ADCY2: variants seen among roughly 807,000 people sequenced by gnomAD.
ADCY2 encodes the protein adenylate cyclase type 2.
Under a neutral mutation model 125.2 loss-of-function variants are expected in ADCY2, and 31 were observed. That is an observed-to-expected ratio of 0.25 (90% confidence interval 0.19 to 0.33). ADCY2 has a LOEUF of 0.33. Ranked by LOEUF, ADCY2 falls within the 10% of genes least tolerant of loss-of-function variation. The pLI is 1.00. For synonymous variants in ADCY2, 512 were observed against 548.4 expected (o/e 0.93, Z 0.93); for missense variants, 904 against 1,418.2 (o/e 0.64, Z 5.82).
chr5:7,506,101 T>G (rs1342361033), intron 2 of ADCY2, among the ~76,000 whole-genome samples: 1 of 152,176 alleles, frequency 6.6e-6, no homozygotes, highest in African/African-American at 2.4e-5. Context: ...TTTTCCAAAT[T>G]GTTTCATGCA....
At chr5:7,534,601 T>G (rs558098042) in intron 3 of ADCY2, among the ~76,000 whole-genome samples, 1 of 152,346 alleles carries the variant, frequency 6.6e-6, no homozygotes, top group Admixed American at 6.5e-5. Context: ...TTTATCTGGT[T>G]TAGTAGAAGT....
At chr5:7,672,353 G>A (rs1157591473) in intron 4 of ADCY2, among the ~76,000 whole-genome samples, 2 of 152,150 alleles carry the variant, frequency 1.3e-5, no homozygotes, top group Non-Finnish European at 2.9e-5. Context: ...TTTTTAATGT[G>A]TCTGCAATGC....
chr5:7,552,074 A>G (rs1437704807), intron 3 of ADCY2, among the ~76,000 whole-genome samples: 3 of 152,198 alleles, frequency 2.0e-5, no homozygotes, highest in South Asian at 2.1e-4. Context: ...TGAGAATCCT[A>G]TAATATTTGG....
chr5:7,678,249 A>G (rs1260521529), intron 4 of ADCY2, among the ~76,000 whole-genome samples: 2 of 152,060 alleles, frequency 1.3e-5, no homozygotes, highest in East Asian at 1.9e-4. Flanking sequence ...TCCACACTCA[A>G]TTCTGGGCCA....
intron 4 of ADCY2, among the ~76,000 whole-genome samples, chr5:7,676,214 C>A (rs1740121978): frequency 6.6e-6 from 1 of 152,198 alleles, no homozygotes; most frequent in Non-Finnish European, 1.5e-5. Flanking sequence ...TAAGGATCTT[C>A]TGCTCTGTCA....
In ADCY2 at chr5:7,778,672, G is replaced by C. The variant is rs894271266; in HGVS notation, c.2384+5571G>C. Among the ~76,000 whole-genome samples the C allele has an allele frequency of 4.6e-5, 7 of 152,188 alleles. No individual in the cohort carries two copies. The East Asian group carries it at 1.3e-3, about 29-fold the overall frequency. ...GATGCATGAACTAAGCACCTTCCTTGTGGTATTTTTCTGCTTTCCCTGATT... is the reference window on the plus strand; with the variant it reads ...GATGCATGAACTAAGCACCTTCCTTCTGGTATTTTTCTGCTTTCCCTGATT... On this transcript the variant is annotated intron_variant, in intron 18 of 24. Transcript: ENST00000338316.
At chr5:7,608,772 C>A (rs1293426530) in intron 3 of ADCY2, among the ~76,000 whole-genome samples, 2 of 152,148 alleles carry the variant, frequency 1.3e-5, no homozygotes, top group Non-Finnish European at 2.9e-5. Context: ...TTGTTTCCCT[C>A]TTGGGGTGCT....
chr5:7,797,907 A>G (rs1477964286), intron 20 of ADCY2: 1 of 152,372 alleles, frequency 6.6e-6, no homozygotes, highest in African/African-American at 2.4e-5. Context: ...CCTGGGAAGC[A>G]TCTCCAACTG....
At chr5:7,749,758 A>G (rs1218943576) in intron 15 of ADCY2, 2 of 152,222 alleles carry the variant, frequency 1.3e-5, no homozygotes, top group Non-Finnish European at 2.9e-5. Flanking sequence ...TTTCAATAGC[A>G]GAGATAATAC....
chr5:7,577,804 C>A (rs751234907), intron 3 of ADCY2, among the ~76,000 whole-genome samples: 1 of 152,126 alleles, frequency 6.6e-6, no homozygotes, highest in Non-Finnish European at 1.5e-5. Context: ...ACTTGACTCC[C>A]ATTGACCAGC....
rs902459264 is a variant in ADCY2 at position 7,744,390 on chromosome 5, T to A, written c.1956+638T>A. Among the ~76,000 whole-genome samples, 115 of 149,584 alleles carry A rather than the reference T, an allele frequency of 7.7e-4. 2 individuals carry two copies. The highest frequency in any genetic ancestry group is 4.7e-4 in the Admixed American group (7 of 14,994). On this transcript the variant is annotated intron_variant, in intron 15 of 24. Coordinates refer to ENST00000338316, the MANE Select transcript of ADCY2 (RefSeq NM_020546.3). Reference sequence around the variant, plus strand: ...GTATCCCAGAACTTAAAGTAAAATTTAAAAAAAAAAGTAAACCTAATACAT... The same window carrying A: ...GTATCCCAGAACTTAAAGTAAAATTAAAAAAAAAAAGTAAACCTAATACAT...
chr5:7,649,281 A>G (rs1739002733), intron 4 of ADCY2, among the ~76,000 whole-genome samples: 1 of 152,212 alleles, frequency 6.6e-6, no homozygotes, highest in East Asian at 1.9e-4. Flanking sequence ...AAGCCTGGAC[A>G]TTTGAGCTCT....
At position 7,690,833 on chromosome 5, in the gene ADCY2, A is replaced by G. The variant is rs2126308277; in HGVS notation, c.863A>G (p.Asn288Ser). 6.3e-7 allele frequency: 1 copy of G among 1,585,948 alleles called. No individual in the cohort carries two copies. Among genetic ancestry groups the G allele is most frequent in the East Asian group, 2.3e-5 (1 of 43,022 alleles). ...FHNLYVKRHT[N>S]VSILYADIVG... ...AACCTGTATGTGAAGCGGCATACAAACGTGAGGTACGACGCTATGCTTGCT... is the reference window on the plus strand; with the variant it reads ...AACCTGTATGTGAAGCGGCATACAAGCGTGAGGTACGACGCTATGCTTGCT... Residue 288 changes from asparagine (N) to serine (S), a missense_variant, in exon 5 of 25, where the codon AAC becomes AGC. Around this residue, in one of 7 missense-constraint regions of ADCY2, gnomAD observed 117 missense variants for 248.0 expected, o/e 0.47. Coordinates refer to ENST00000338316, the MANE Select transcript of ADCY2 (RefSeq NM_020546.3).
At chr5:7,694,477 T>C (rs1740824047) in intron 5 of ADCY2, among the ~76,000 whole-genome samples, 1 of 152,222 alleles carries the variant, frequency 6.6e-6, no homozygotes, top group African/African-American at 2.4e-5. Context: ...ACCGCCATTC[T>C]AGTTTCTGTC....
chr5:7,784,539 G>A lies in ADCY2; in HGVS notation c.2469+90G>A, dbSNP rs189753462. The A allele has an allele frequency of 7.0e-5, 62 of 888,886 alleles. No individual in the cohort carries two copies. In the East Asian group the frequency reaches 1.3e-3, roughly 18 times the overall value. The allele number at this position is 888,886 out of a possible 1,614,324, so 55.1% of individuals were successfully genotyped here. A position where few individuals can be genotyped will look rare whatever the true frequency, so the allele number is the denominator to read the frequency against. On this transcript the variant is annotated intron_variant, in intron 19 of 24. Coordinates refer to ENST00000338316, the MANE Select transcript of ADCY2 (RefSeq NM_020546.3). ...GCTGTGCATTGTAGTTAATCTTCTT[G>A]GAAACAAACGTCTAAGAATTAGAAT...
At chr5:7,707,881 A>G (rs1265790244) in intron 9 of ADCY2, 43 bp downstream of exon 9, 3 of 1,588,218 alleles carry the variant, frequency 1.9e-6, no homozygotes, top group Non-Finnish European at 2.6e-6. Flanking sequence ...AGGGAGGAGG[A>G]GCAAATTATT....
At chr5:7,597,448 T>A (rs150573262) in intron 3 of ADCY2, among the ~76,000 whole-genome samples, 2 of 152,290 alleles carry the variant, frequency 1.3e-5, no homozygotes, top group Non-Finnish European at 2.9e-5. Flanking sequence ...CCACGATGCT[T>A]CCCTTCAGGA....
At chr5:7,819,345 A>G (rs765417171) in intron 23 of ADCY2, among the ~76,000 whole-genome samples, 83 of 152,294 alleles carry the variant, frequency 5.4e-4, no homozygotes, top group Admixed American at 1.6e-3. Flanking sequence ...TCTATTATCA[A>G]ACTTATATAG....
chr5:7,495,794 C>A (rs1247470211), intron 2 of ADCY2, among the ~76,000 whole-genome samples: 1 of 152,134 alleles, frequency 6.6e-6, no homozygotes, highest in Non-Finnish European at 1.5e-5. Context: ...AAATACTTTT[C>A]ATTTCTTAAA....
Sources: allele counts gnomAD v4.1 joint callset (sites outside exome capture counted in the v4.1 genomes callset), GRCh38; gene constraint gnomAD v4.1.1; regional missense constraint gnomAD v4.1.1; transcripts MANE v1.5; gene names NCBI Gene and HGNC (gene_info 2026-07-23, HGNC 2026-07-21).